The following COL22A1 variants were observed in gnomAD, a reference collection of about 807,000 sequenced individuals.
COL22A1 encodes collagen type XXII alpha 1 chain, also known as collagen alpha-1(XXII) chain.
COL22A1 carries 221 observed loss-of-function variants against 248.9 expected under a neutral mutation model. The ratio of observed to expected loss-of-function variants is 0.89; its 90% CI spans 0.80 to 0.99. The LOEUF (loss-of-function observed/expected upper bound fraction) is 0.99, where lower values mean the gene tolerates loss of function less well. Among genes scored for constraint, COL22A1 ranks in the 50% least tolerant of loss-of-function variants. COL22A1 has a pLI of 0.00. For synonymous variants in COL22A1, 891 were observed against 793.4 expected (o/e 1.12, Z -2.07); for missense variants, 2,240 against 2,179.0 (o/e 1.03, Z -0.56).
At chr8:138,760,655 T>C (rs1833400452) in intron 17 of COL22A1, among the ~76,000 whole-genome samples, 1 of 151,392 alleles carries the variant, frequency 6.6e-6, no homozygotes, top group South Asian at 2.1e-4. Context: ...TCTGGTGGAG[T>C]TGAAGGAAAT....
chr8:138,640,896 A>G (rs1821623849), intron 47 of COL22A1, among the ~76,000 whole-genome samples: 1 of 152,220 alleles, frequency 6.6e-6, no homozygotes, highest in Non-Finnish European at 1.5e-5. Context: ...TCAGCTAATA[A>G]GAGGCAAAGT....
intron 41 of COL22A1, among the ~76,000 whole-genome samples, chr8:138,669,240 G>C (rs4909828): frequency 0.74 from 112,755 of 152,114 alleles, 42,447 homozygotes; most frequent in Non-Finnish European, 0.82. Context: ...GCGGGAAAAC[G>C]CACGAGTGAT....
At chr8:138,599,775 GA>G (rs1817853235) in intron 60 of COL22A1, among the ~76,000 whole-genome samples, 1 of 152,152 alleles carries the variant, frequency 6.6e-6, no homozygotes, top group Admixed American at 6.5e-5. Flanking sequence ...CACAGAGACA[GA>G]AAGCCACCAG....
At chr8:138,910,897 T>C (rs185879198) in intron 1 of COL22A1, among the ~76,000 whole-genome samples, 46 of 152,344 alleles carry the variant, frequency 3.0e-4, no homozygotes, top group Admixed American at 2.0e-3. Flanking sequence ...TCCATGGTCC[T>C]GGCCCATAGT....
At chr8:138,623,870 G>A in intron 51 of COL22A1, 85 bp from the exon 52 acceptor site, 1 of 1,221,480 alleles carries the variant, frequency 8.2e-7, no homozygotes, top group Non-Finnish European at 1.2e-6. Context: ...ATGTCTTCCT[G>A]CCCAGCTTCC....
rs560316640 is a variant in COL22A1, at chr8:138,818,105, T to C, written c.1245+3031A>G. Among the ~76,000 whole-genome samples the C allele has an allele frequency of 2.3e-4, 35 of 152,360 alleles. 1 individual carries two copies. The South Asian group carries it at 6.6e-3, about 29-fold the overall frequency. The stretch of plus-strand genomic sequence containing the variant: ...GGGTTAGAAGGATCTAATCTTGCTC[T>C]ATATCTTTGGACATGTTCGTTATTC... On this transcript the variant is annotated intron_variant, in intron 7 of 64. Transcript: ENST00000303045.
chr8:138,773,503 T>C (rs865971347), intron 16 of COL22A1, among the ~76,000 whole-genome samples: 1 of 152,262 alleles, frequency 6.6e-6, no homozygotes, highest in East Asian at 1.9e-4. Flanking sequence ...CCGTAGGACA[T>C]GTGATTTGAA....
intron 14 of COL22A1, 37 bp downstream of exon 14, chr8:138,779,472 G>A: frequency 6.6e-7 from 1 of 1,523,502 alleles, no homozygotes; most frequent in Non-Finnish European, 9.1e-7. Context: ...TTGTCCCCTG[G>A]GAGCATCAGA....
intron 12 of COL22A1, among the ~76,000 whole-genome samples, chr8:138,781,449 C>T (rs111827303): frequency 2.6e-5 from 4 of 152,336 alleles, no homozygotes; most frequent in Admixed American, 2.6e-4. Context: ...CCAGCAGCAC[C>T]CTCCAGGGGT....
At chr8:138,694,623 T>A in intron 33 of COL22A1, 62 bp from the exon 34 acceptor site, 2 of 1,567,418 alleles carry the variant, frequency 1.3e-6, no homozygotes, top group Non-Finnish European at 1.8e-6. Context: ...GATGGGCGGA[T>A]GGGGCGGGGA....
Position 138,877,854 on chromosome 8 carries a change from A to C in COL22A1, c.554T>G (p.Leu185Arg). ...VGVGEALKEE[L>R]EEIASEPKSA... ...CTTGGGCTCTGAGGCGATCTCCTCC[A>C]GCTCCTCCTTGAGTGCCTCGCCCAC... The change falls in exon 3 of 65, where the codon CTG (leucine) becomes CGG (arginine). Residue 185 changes from leucine to arginine, a missense_variant. Coordinates refer to ENST00000303045, the MANE Select transcript of COL22A1 (RefSeq NM_152888.3). 6.2e-7 allele frequency: 1 copy of C among 1,613,524 alleles called. No individual in the cohort carries two copies. The highest frequency in any genetic ancestry group is 8.5e-7 in the Non-Finnish European group (1 of 1,179,840).
chr8:138,819,636 TTA>T (rs971595641), intron 7 of COL22A1, among the ~76,000 whole-genome samples: 1 of 148,116 alleles, frequency 6.8e-6, no homozygotes, highest in Non-Finnish European at 1.5e-5. Context: ...GTATATATAA[TTA>T]TATAGATATA....
At chr8:138,738,076 T>C (rs1245528733) in intron 22 of COL22A1, among the ~76,000 whole-genome samples, 2 of 152,204 alleles carry the variant, frequency 1.3e-5, no homozygotes, top group African/African-American at 2.4e-5. Context: ...TGTTTCCATT[T>C]AATTTATCTA....
intron 52 of COL22A1, chr8:138,620,571 T>G (rs10105805): frequency 0.71 from 107,285 of 152,110 alleles, 41,080 homozygotes; most frequent in Non-Finnish European, 0.85. Context: ...GTCTTTGTGA[T>G]AGAGGGTGTA....
At chr8:138,692,046 G>C (rs1202232826) in intron 35 of COL22A1, among the ~76,000 whole-genome samples, 1 of 145,224 alleles carries the variant, frequency 6.9e-6, no homozygotes, top group Non-Finnish European at 1.5e-5. Context: ...ATTTGTGAAG[G>C]TGTGTGTGTG....
chr8:138,846,690 A>C (rs73720621), intron 3 of COL22A1, among the ~76,000 whole-genome samples: 5,561 of 152,262 alleles, frequency 0.037, 316 homozygotes, highest in African/African-American at 0.13. Context: ...CTCTTAGCCT[A>C]TAATTGGAAG....
chr8:138,686,536 C>T (rs1040463836), intron 37 of COL22A1, among the ~76,000 whole-genome samples: 1 of 152,222 alleles, frequency 6.6e-6, no homozygotes, highest in Admixed American at 6.5e-5. Context: ...TTCCCCTAGC[C>T]GCAGGCCAGC....
At position 138,896,137 on chromosome 8, in the gene COL22A1, T is replaced by C. The variant is rs1031909964; in HGVS notation, c.-72-12893A>G. Among the ~76,000 whole-genome samples, 3 of 152,070 alleles carry C rather than the reference T, an allele frequency of 2.0e-5. No individual in the cohort carries two copies. The South Asian group carries it at 6.2e-4, about 31-fold the overall frequency. Reference sequence around the variant, plus strand: ...CACTCACAGGCTTACCTTTGAAGAATTGCTAAAGGAAGCTTCCTAAACAGA... The same window carrying C: ...CACTCACAGGCTTACCTTTGAAGAACTGCTAAAGGAAGCTTCCTAAACAGA... On this transcript the variant is annotated intron_variant, in intron 1 of 64. Transcript: ENST00000303045.
chr8:138,655,756 C>T (rs1487035770), intron 45 of COL22A1, 141 bp downstream of exon 45: 1 of 765,742 alleles, frequency 1.3e-6, no homozygotes, highest in Non-Finnish European at 2.3e-6. Context: ...CAGCCACATG[C>T]TGAGTTGTCA....
Sources: allele counts gnomAD v4.1 joint callset (sites outside exome capture counted in the v4.1 genomes callset), GRCh38; gene constraint gnomAD v4.1.1; transcripts MANE v1.5; gene names NCBI Gene and HGNC (gene_info 2026-07-23, HGNC 2026-07-21).